Variants in ARHGAP26 observed in about 807,000 individuals in gnomAD.
The protein encoded by ARHGAP26 is rho GTPase-activating protein 26.
A neutral mutation model predicts 104.8 loss-of-function variants in ARHGAP26; 38 were observed. That is an observed-to-expected ratio of 0.36 (90% CI 0.28 to 0.48). ARHGAP26 has a LOEUF of 0.48. ARHGAP26 is among the 20% of genes least tolerant of loss of function. The pLI is 0.99. For missense variants in ARHGAP26, 704 were observed against 947.9 expected (o/e 0.74, Z 3.38); for synonymous variants, 341 against 340.0 (o/e 1.00, Z -0.03).
At chr5:143,022,204 T>C (rs1348022258) in intron 12 of ARHGAP26, among the ~76,000 whole-genome samples, 1 of 152,150 alleles carries the variant, frequency 6.6e-6, no homozygotes, top group Non-Finnish European at 1.5e-5. Context: ...CCCTAGTAGC[T>C]GGGATTACAG....
chr5:142,781,599 GGGGCAGGAGGC>G (rs1414077017), intron 1 of ARHGAP26, among the ~76,000 whole-genome samples: 4 of 152,196 alleles, frequency 2.6e-5, no homozygotes, highest in African/African-American at 7.2e-5. Flanking sequence ...GCAGGTGTCT[GGGGCAGGAGGC>G]TGTGTGCCAG....
At chr5:142,884,173 G>A (rs1030933683) in intron 4 of ARHGAP26, among the ~76,000 whole-genome samples, 4 of 152,280 alleles carry the variant, frequency 2.6e-5, no homozygotes, top group South Asian at 4.1e-4. Context: ...TGCTCTCCCC[G>A]TTGGAATGTG....
intron 10 of ARHGAP26, chr5:142,919,384 C>T: frequency 2.5e-6 from 1 of 398,552 alleles, no homozygotes. Flanking sequence ...TCAGGAGGAA[C>T]CCTTGATCTT....
At chr5:143,011,062 C>G (rs1054039360) in intron 11 of ARHGAP26, 1 of 152,308 alleles carries the variant, frequency 6.6e-6, no homozygotes. Context: ...TCTGCAGGAT[C>G]GGATTGCTGC....
chr5:142,830,534 G>C (rs1033187394), intron 1 of ARHGAP26, among the ~76,000 whole-genome samples: 2 of 152,104 alleles, frequency 1.3e-5, no homozygotes, highest in Non-Finnish European at 2.9e-5. Context: ...GTGAAGACTT[G>C]ACTTTTAAAA....
At position 142,974,851 on chromosome 5, in the gene ARHGAP26, G is replaced by A. The variant is rs894593343; in HGVS notation, c.1108-39229G>A. 3.9e-5 allele frequency among the ~76,000 whole-genome samples: 6 copies of A among 152,270 alleles called. No homozygotes were observed. In the South Asian group the frequency reaches 1.2e-3, roughly 32 times the overall value. On this transcript the variant is annotated intron_variant, in intron 11 of 22. Transcript: ENST00000645722. Reference sequence around the variant, plus strand: ...TTTCGCCCTCTGTCCCTCAGGCCGTGTTATTTTCAAGACCTTCCATTCCAT... The same window carrying A: ...TTTCGCCCTCTGTCCCTCAGGCCGTATTATTTTCAAGACCTTCCATTCCAT...
At chr5:142,984,667 A>G (rs1344027700) in intron 11 of ARHGAP26, among the ~76,000 whole-genome samples, 1 of 152,208 alleles carries the variant, frequency 6.6e-6, no homozygotes, top group Non-Finnish European at 1.5e-5. Context: ...CAGACCACAC[A>G]TACCACTGTG....
chr5:143,034,143 C>T (rs866233778), intron 12 of ARHGAP26, among the ~76,000 whole-genome samples: 4 of 152,196 alleles, frequency 2.6e-5, no homozygotes, highest in Non-Finnish European at 5.9e-5. Context: ...TCGTACATTG[C>T]GGGTAGGAAT....
Position 143,008,658 on chromosome 5 carries a change from C to G in ARHGAP26, c.1108-5422C>G, listed in dbSNP as rs79208980. Among the ~76,000 whole-genome samples the G allele has an allele frequency of 7.3e-3, 1,113 of 152,276 alleles. 19 individuals are homozygous for G. Among genetic ancestry groups the G allele is most frequent in the African/African-American group, 0.025 (1,045 of 41,560 alleles). On this transcript the variant is annotated intron_variant, in intron 11 of 22. Transcript: ENST00000645722. ...TATTTCCCCAGCATCTTTATTTTGT[C>G]CAGATTTTGATCCAAAGTGTGGTAT...
chr5:142,884,054 C>G (rs923041987), intron 4 of ARHGAP26, among the ~76,000 whole-genome samples: 2 of 152,148 alleles, frequency 1.3e-5, no homozygotes, highest in Middle Eastern at 3.2e-3. Flanking sequence ...AGAAAAACAT[C>G]CCTATGGGTT....
At chr5:142,797,695 T>C (rs1761267068) in intron 1 of ARHGAP26, among the ~76,000 whole-genome samples, 1 of 152,260 alleles carries the variant, frequency 6.6e-6, no homozygotes, top group African/African-American at 2.4e-5. Context: ...TATTTAAACC[T>C]TAAGGCAGGT....
At chr5:142,987,170 T>C (rs905159064) in intron 11 of ARHGAP26, among the ~76,000 whole-genome samples, 7 of 152,358 alleles carry the variant, frequency 4.6e-5, no homozygotes, top group Admixed American at 2.0e-4. Context: ...TTTTATTTCG[T>C]TGAGCAGTGG....
intron 1 of ARHGAP26, among the ~76,000 whole-genome samples, chr5:142,867,228 G>A (rs1754447366): frequency 6.6e-6 from 1 of 152,090 alleles, no homozygotes; most frequent in Admixed American, 6.5e-5. Flanking sequence ...GTAAGACCGT[G>A]TGTCACGGAA....
At chr5:142,991,117 C>G (rs538602825) in intron 11 of ARHGAP26, among the ~76,000 whole-genome samples, 16 of 152,172 alleles carry the variant, frequency 1.1e-4, no homozygotes, top group African/African-American at 3.4e-4. Flanking sequence ...CCACCCAGTT[C>G]GAGCTTCCTG....
At chr5:143,076,476 G>T (rs947760167) in intron 17 of ARHGAP26, among the ~76,000 whole-genome samples, 11 of 152,044 alleles carry the variant, frequency 7.2e-5, no homozygotes, top group African/African-American at 2.7e-4. Flanking sequence ...TGTATGTTTT[G>T]CTATAATCTT....
intron 9 of ARHGAP26, among the ~76,000 whole-genome samples, chr5:142,911,298 T>C (rs1761801811): frequency 6.6e-6 from 1 of 152,184 alleles, no homozygotes; most frequent in Non-Finnish European, 1.5e-5. Flanking sequence ...CAAAGTCTTC[T>C]TCTTTCTACT....
chr5:142,873,592 G>C, intron 2 of ARHGAP26, 97 bp downstream of exon 2: 1 of 819,100 alleles, frequency 1.2e-6, no homozygotes. Flanking sequence ...AAGTCTCTAA[G>C]GTTAGTAAAC....
chr5:143,218,666 G>T (rs751950996), intron 22 of ARHGAP26, among the ~76,000 whole-genome samples: 7 of 152,204 alleles, frequency 4.6e-5, no homozygotes, highest in Non-Finnish European at 1.0e-4. Context: ...CTTATATTTA[G>T]TATATGCTGT....
intron 1 of ARHGAP26, among the ~76,000 whole-genome samples, chr5:142,863,436 T>C (rs903912139): frequency 1.3e-5 from 2 of 152,200 alleles, no homozygotes; most frequent in African/African-American, 4.8e-5. Context: ...GCCGAGTGTG[T>C]CACATAACTC....
Sources: allele counts gnomAD v4.1 joint callset (sites outside exome capture counted in the v4.1 genomes callset), GRCh38; gene constraint gnomAD v4.1.1; transcripts MANE v1.5; gene names NCBI Gene and HGNC (gene_info 2026-07-23, HGNC 2026-07-21).